The following CROCC2 variants were observed in gnomAD, a reference collection of about 807,000 sequenced individuals.
CROCC2 encodes the protein ciliary rootlet coiled-coil protein 2.
Under a neutral mutation model 177.6 loss-of-function variants are expected in CROCC2, and 163 were observed. The observed-to-expected ratio is 0.92, with a 90% CI of 0.81 to 1.05. The LOEUF (loss-of-function observed/expected upper bound fraction) is 1.05, where lower values mean the gene tolerates loss of function less well. Among genes scored for constraint, CROCC2 ranks in the 50% least tolerant of loss-of-function variants. CROCC2 has a pLI of 0.00. For missense variants in CROCC2, 1,929 were observed against 1,797.8 expected (o/e 1.07, Z -1.32); for synonymous variants, 904 against 787.3 (o/e 1.15, Z -2.48).
At chr2:240,965,353 C>T (rs924912165) in intron 22 of CROCC2, 28 bp from the exon 23 acceptor site, 2 of 1,548,220 alleles carry the variant, frequency 1.3e-6, no homozygotes, top group Non-Finnish European at 8.7e-7. Context: ...AGACCAGTGA[C>T]CCTGTCCGTG....
At chr2:240,988,901 C>CCAGGCCTGGGGG (rs1448358400) in intron 29 of CROCC2, 31 bp downstream of exon 29, 1 of 1,392,738 alleles carries the variant, frequency 7.2e-7, no homozygotes, top group Non-Finnish European at 9.4e-7. Flanking sequence ...TCTGCATACC[C>CCAGGCCTGGGGG]CAGGCCTGGG....
chr2:240,981,713 TC>T (rs2059801773), intron 27 of CROCC2: 1 of 152,242 alleles, frequency 6.6e-6, no homozygotes, highest in Admixed American at 6.5e-5. Context: ...AGCATTGTCT[TC>T]CTTCTTTTCC....
chr2:240,969,480 C>T (rs1454980599), intron 27 of CROCC2, among the ~76,000 whole-genome samples: 3 of 152,166 alleles, frequency 2.0e-5, no homozygotes, highest in African/African-American at 7.2e-5. Context: ...TTTGGAAAGA[C>T]CCTTCTGGTG....
chr2:240,983,012 C>T lies in CROCC2; in HGVS notation c.4534C>T (p.Leu1512=). The change falls in exon 28 of 32, where the codon CTG becomes TTG. Residue 1512 remains leucine (L), a synonymous_variant. Coordinates refer to ENST00000690015, the MANE Select transcript of CROCC2 (RefSeq NM_001351305.2). ...EHRCQKAEVS[L]EPLRQMEQET... Reference sequence around the variant, plus strand: ...CAGGTGCCAGAAGGCTGAGGTATCGCTGGAGCCCCTGCGACAGGTGAGGGT... The same window carrying T: ...CAGGTGCCAGAAGGCTGAGGTATCGTTGGAGCCCCTGCGACAGGTGAGGGT... 1 of 1,550,286 alleles carries T rather than the reference C, an allele frequency of 6.5e-7. No homozygotes were observed. Among genetic ancestry groups the T allele is most frequent in the Admixed American group, 2.0e-5 (1 of 50,990 alleles).
rs2059608002 is a variant in CROCC2 at position 240,958,486 on chromosome 2, C to T, written c.2944-815C>T. On this transcript the variant is annotated intron_variant, in intron 19 of 31. Coordinates refer to ENST00000690015, the MANE Select transcript of CROCC2 (RefSeq NM_001351305.2). This position sits in a 1 kb window ranked among gnomAD's most constrained non-coding sequence, Gnocchi z 6.7. ...GCAGAATCCAGGTGGACAGGAGGGGCTCCAGAGATCTGGCACAGGGGCAGC... is the reference window on the plus strand; with the variant it reads ...GCAGAATCCAGGTGGACAGGAGGGGTTCCAGAGATCTGGCACAGGGGCAGC... The T allele has an allele frequency of 1.3e-6, 1 of 789,292 alleles. No homozygotes were observed. Among genetic ancestry groups the T allele is most frequent in the Non-Finnish European group, 1.5e-6 (1 of 650,242 alleles). 48.9% of individuals were successfully genotyped at this position (789,292 alleles called of 1,614,324 possible). A position where few individuals can be genotyped will look rare whatever the true frequency, so the allele number is the denominator to read the frequency against.
intron 28 of CROCC2, chr2:240,983,709 T>A: frequency 9.5e-7 from 1 of 1,054,998 alleles, no homozygotes; most frequent in Non-Finnish European, 1.3e-6. Context: ...GGCACTAAGC[T>A]CAGGGTCAGG....
In CROCC2 at chr2:240,965,534, G is replaced by A. The variant is rs1401825622; in HGVS notation, c.3603+16G>A. The A allele has an allele frequency of 6.5e-7, 1 of 1,550,302 alleles. No homozygotes were observed. The highest frequency in any genetic ancestry group is 8.7e-7 in the Non-Finnish European group (1 of 1,146,856). On this transcript the variant is annotated intron_variant, in intron 23 of 31. Transcript: ENST00000690015. Reference sequence around the variant, plus strand: ...CCGGAAGGAGGTGGGAGGGCTGCCTGTGGTCAGAAGGGAAGGAGCTGGGCG... The same window carrying A: ...CCGGAAGGAGGTGGGAGGGCTGCCTATGGTCAGAAGGGAAGGAGCTGGGCG...
chr2:240,940,854 A>G (rs1338345884), intron 14 of CROCC2, among the ~76,000 whole-genome samples: 1 of 152,216 alleles, frequency 6.6e-6, no homozygotes, highest in Non-Finnish European at 1.5e-5. Context: ...CGGAGCAATC[A>G]GACAAGAGAA....
At chr2:240,950,837 A>C in intron 18 of CROCC2, 2 of 279,820 alleles carry the variant, frequency 7.1e-6, no homozygotes, top group Admixed American at 5.1e-5. Flanking sequence ...CCATCCACCC[A>C]TCCAACCACC....
intron 17 of CROCC2, 87 bp from the exon 18 acceptor site, chr2:240,950,247 C>T (rs2059545534): frequency 7.3e-7 from 1 of 1,363,162 alleles, no homozygotes; most frequent in Non-Finnish European, 9.9e-7. Flanking sequence ...GCCCTGGCAT[C>T]CCACGGGCCA....
intron 13 of CROCC2, 80 bp downstream of exon 13, chr2:240,935,142 T>C (rs12618707): frequency 0.38 from 499,263 of 1,301,758 alleles, 98,501 homozygotes; most frequent in East Asian, 0.57. Flanking sequence ...CTAGGCCTTC[T>C]TTCCATCCTC....
intron 1 of CROCC2, among the ~76,000 whole-genome samples, chr2:240,914,480 A>C (rs1007920604): frequency 1.3e-5 from 2 of 152,190 alleles, no homozygotes; most frequent in Non-Finnish European, 2.9e-5. Context: ...CCAAACCCCC[A>C]GCCCCAGCCT....
At chr2:240,957,632 C>A (rs957031217) in intron 19 of CROCC2, 1 of 152,312 alleles carries the variant, frequency 6.6e-6, no homozygotes, top group South Asian at 2.1e-4. Context: ...AATGAGGAGG[C>A]GGCTGCTGGA....
At chr2:240,990,993 T>TG (rs2059875746) in intron 30 of CROCC2, among the ~76,000 whole-genome samples, 1 of 152,138 alleles carries the variant, frequency 6.6e-6, no homozygotes, top group Non-Finnish European at 1.5e-5. Flanking sequence ...TGGTGAGAGG[T>TG]GGAACTGCGC....
chr2:240,991,601 A>G (rs2059880056), intron 31 of CROCC2, among the ~76,000 whole-genome samples: 1 of 152,184 alleles, frequency 6.6e-6, no homozygotes, highest in African/African-American at 2.4e-5. Context: ...GTGCTGGACC[A>G]TGCTGCGGGT....
chr2:240,912,782 G>C (rs1484528003), intron 1 of CROCC2, among the ~76,000 whole-genome samples: 1 of 152,154 alleles, frequency 6.6e-6, no homozygotes, highest in Admixed American at 6.5e-5. Context: ...ATCGTGCCGT[G>C]GTCTTTCTGG....
Position 240,962,977 on chromosome 2 carries a change from C to T in CROCC2, c.3088-579C>T, listed in dbSNP as rs555022059. 2.6e-5 allele frequency among the ~76,000 whole-genome samples: 4 copies of T among 152,332 alleles called. No individual in the cohort carries two copies. The East Asian group carries it at 7.7e-4, about 29-fold the overall frequency. On this transcript the variant is annotated intron_variant, in intron 20 of 31. Transcript: ENST00000690015. ...TGCCCCCCCATTGCCAGAGATCCTC[C>T]TCCCACTGCCTCCCATGCCAACGGG...
intron 5 of CROCC2, among the ~76,000 whole-genome samples, chr2:240,928,815 C>T (rs1211978316): frequency 1.3e-5 from 2 of 151,872 alleles, no homozygotes; most frequent in Non-Finnish European, 2.9e-5. Flanking sequence ...AGGAGCATGC[C>T]CTCGGAGGGT....
intron 14 of CROCC2, among the ~76,000 whole-genome samples, chr2:240,942,999 T>C (rs1307436436): frequency 2.0e-5 from 3 of 152,174 alleles, no homozygotes; most frequent in African/African-American, 7.2e-5. Flanking sequence ...ATACATACTT[T>C]TTCAAAGCAG....
Sources: allele counts gnomAD v4.1 joint callset (sites outside exome capture counted in the v4.1 genomes callset), GRCh38; gene constraint gnomAD v4.1.1; non-coding constraint Gnocchi (gnomAD v3.1); transcripts MANE v1.5; gene names NCBI Gene and HGNC (gene_info 2026-07-23, HGNC 2026-07-21).